Variants in NRXN2 observed in about 807,000 individuals in gnomAD.
The protein encoded by NRXN2 is neurexin 2, also known as neurexin-2-beta.
A neutral mutation model predicts 128.8 loss-of-function variants in NRXN2; 29 were observed. The ratio of observed to expected loss-of-function variants is 0.23; its 90% CI spans 0.17 to 0.31. NRXN2 has a LOEUF of 0.31. Among genes scored for constraint, NRXN2 ranks in the 10% least tolerant of loss-of-function variants. The pLI is 1.00. For synonymous variants in NRXN2, 1,098 were observed against 1,075.2 expected (o/e 1.02, Z -0.41); for missense variants, 1,881 against 2,452.6 (o/e 0.77, Z 4.92).
chr11:64,626,644 G>A (rs1261149649), intron 19 of NRXN2, 92 bp from the exon 20 acceptor site: 10 of 916,198 alleles, frequency 1.1e-5, no homozygotes, highest in Non-Finnish European at 1.6e-5. Context: ...GAGACTCAGA[G>A]TAAGCAGCAA....
chr11:64,620,553 T>C (rs1591535705), intron 21 of NRXN2, among the ~76,000 whole-genome samples, 181 bp from the exon 22 acceptor site: 1 of 151,974 alleles, frequency 6.6e-6, no homozygotes, highest in South Asian at 2.1e-4. Flanking sequence ...TTTCCTGCTA[T>C]GCACAGGGAA....
Position 64,607,047 on chromosome 11 carries a change from T to TC in NRXN2, c.*148dup. On this transcript the variant is annotated 3_prime_UTR_variant, in exon 23 of 23. Coordinates refer to ENST00000265459, the MANE Select transcript of NRXN2 (RefSeq NM_015080.4). ...AGGAAGGGGGCGAGCACGGGGTTTT[T>TC]CCTTTTCTTTTTTTGCGTTTCCTCT... 1 of 850,616 alleles carries TC rather than the reference T, an allele frequency of 1.2e-6. No individual in the cohort carries two copies. The allele number at this position is 850,616 out of a possible 1,614,324, so 52.7% of individuals were successfully genotyped here. A position where few individuals can be genotyped will look rare whatever the true frequency, so the allele number is the denominator to read the frequency against.
chr11:64,712,466 C>T lies in NRXN2; in HGVS notation c.730+504G>A, dbSNP rs1476945677. Among the ~76,000 whole-genome samples, 5 of 151,668 alleles carry T rather than the reference C, an allele frequency of 3.3e-5. No individual in the cohort carries two copies. In the East Asian group the frequency reaches 9.7e-4, roughly 30 times the overall value. On this transcript the variant is annotated intron_variant, in intron 2 of 22. Coordinates refer to ENST00000265459, the MANE Select transcript of NRXN2 (RefSeq NM_015080.4). ...CCCCCTGTCTCATAAGCCCCACCCA[C>T]ACTGGCCTTTCCACGCCAGCCCCAC...
At position 64,648,235 on chromosome 11, in the gene NRXN2, G is replaced by A; in HGVS notation, c.3387C>T (p.Gly1129=). 6.2e-7 allele frequency: 1 copy of A among 1,614,208 alleles called. No individual in the cohort carries two copies. The highest frequency in any genetic ancestry group is 8.5e-7 in the Non-Finnish European group (1 of 1,180,036). Residue 1129 remains glycine, a synonymous_variant, in exon 17 of 23, where the codon GGC becomes GGT. Coordinates refer to ENST00000265459, the MANE Select transcript of NRXN2 (RefSeq NM_015080.4). This position sits in a 1 kb window ranked among gnomAD's most constrained non-coding sequence, Gnocchi z 4.1. ...GGCACTCACGATCATTGCAGACAGG[G>A]CCTCCATAGGAAGTCATGGTGCAGT... ...TCDCTMTSYG[G]PVCNDPGTTY... is the part of the protein sequence containing the mutation.
intron 6 of NRXN2, among the ~76,000 whole-genome samples, chr11:64,684,474 A>G (rs1222155806): frequency 6.6e-6 from 1 of 152,178 alleles, no homozygotes; most frequent in Admixed American, 6.5e-5. Flanking sequence ...GCCCGGCTGC[A>G]ACAGGTAGTG....
At chr11:64,629,473 C>A (rs1056256393) in intron 19 of NRXN2, among the ~76,000 whole-genome samples, 3 of 152,160 alleles carry the variant, frequency 2.0e-5, no homozygotes, top group African/African-American at 7.2e-5. Flanking sequence ...AGTGCTATTT[C>A]CATATCTTTC....
At chr11:64,690,645 C>T (rs1275699536) in intron 4 of NRXN2, among the ~76,000 whole-genome samples, 169 bp from the exon 5 acceptor site, 4 of 152,018 alleles carry the variant, frequency 2.6e-5, no homozygotes, top group Non-Finnish European at 5.9e-5. Flanking sequence ...AGGAAGGAGC[C>T]GCTTGACAAA....
chr11:64,651,716 C>CTGTGG lies in NRXN2; in HGVS notation c.2537-81_2537-80insCCACA. ...CTTGGGTTCCCAGGAGCCTCCCCTC[C>CTGTGG]ACAGGAGGGCCACCCATGAGTGACA... On this transcript the variant is annotated intron_variant, in intron 13 of 22. Transcript: ENST00000265459. The surrounding 1 kb of genome is among the most constrained non-coding windows in gnomAD (Gnocchi z 5.9). 5 of 1,487,694 alleles carry CTGTGG rather than the reference C, an allele frequency of 3.4e-6. No homozygotes were observed. Among genetic ancestry groups the CTGTGG allele is most frequent in the Non-Finnish European group, 4.6e-6 (5 of 1,079,430 alleles). The allele number at this position is 1,487,694 out of a possible 1,614,324, so 92.2% of individuals were successfully genotyped here.
rs78649328 is a variant in NRXN2, at chr11:64,705,296, G to A, written c.731-7504C>T. ...CAACAGGCTCTTGAGTCAGCTCAGGGCTCAGATCCCAGCTCTTACATCTCT... is the reference window on the plus strand; with the variant it reads ...CAACAGGCTCTTGAGTCAGCTCAGGACTCAGATCCCAGCTCTTACATCTCT... On this transcript the variant is annotated intron_variant, in intron 2 of 22. Coordinates refer to ENST00000265459, the MANE Select transcript of NRXN2 (RefSeq NM_015080.4). Among the ~76,000 whole-genome samples, 62 of 152,270 alleles carry A rather than the reference G, an allele frequency of 4.1e-4. No individual in the cohort carries two copies. In the East Asian group the frequency reaches 6.7e-3, roughly 17 times the overall value.
intron 17 of NRXN2, chr11:64,643,163 C>T: frequency 1.0e-6 from 1 of 964,694 alleles, no homozygotes. Context: ...AGCGCGGGGG[C>T]CAAGCAGGGA....
At position 64,635,358 on chromosome 11, in the gene NRXN2, G is replaced by A. The variant is rs375743651; in HGVS notation, c.3498C>T (p.Ala1166=). 2.7e-5 allele frequency: 44 copies of A among 1,613,510 alleles called. No homozygotes were observed. Among genetic ancestry groups the A allele is most frequent in the East Asian group, 2.0e-4 (9 of 44,894 alleles). ...DRPSTRMDRL[A]VGFSTHQRSA... ...TCCGCTGGTGGGTGCTGAAGCCCAC[G>A]GCCAGGCGATCCATCCTCGTGCTGG... is the stretch of plus-strand genomic sequence containing the variant. The change falls in exon 18 of 23, where the codon GCC becomes GCT. Residue 1166 remains alanine (A), a synonymous_variant. Transcript: ENST00000265459. This position sits in a 1 kb window ranked among gnomAD's most constrained non-coding sequence, Gnocchi z 4.8.
chr11:64,623,223 G>C lies in NRXN2; in HGVS notation c.3848-145C>G, dbSNP rs980342102. ...GGGAGGAGGGGACGGGGAGAAATGA[G>C]GAAGGGGCAGAAAGCCAAAGGGAAA... On this transcript the variant is annotated intron_variant, in intron 20 of 22. Transcript: ENST00000265459. This position sits in a 1 kb window ranked among gnomAD's most constrained non-coding sequence, Gnocchi z 4.9. The C allele has an allele frequency of 7.5e-7, 1 of 1,334,338 alleles. No individual in the cohort carries two copies. Among genetic ancestry groups the C allele is most frequent in the Non-Finnish European group, 1.0e-6 (1 of 1,002,084 alleles). 82.7% of individuals were successfully genotyped at this position (1,334,338 alleles called of 1,614,324 possible).
At chr11:64,636,847 G>T (rs967991312) in intron 17 of NRXN2, among the ~76,000 whole-genome samples, 5 of 152,064 alleles carry the variant, frequency 3.3e-5, no homozygotes, top group Non-Finnish European at 7.4e-5. Context: ...GTACCTCGGG[G>T]TCTCTCGCCT....
At chr11:64,673,543 G>A (rs2050897022) in intron 7 of NRXN2, among the ~76,000 whole-genome samples, 1 of 152,220 alleles carries the variant, frequency 6.6e-6, no homozygotes, top group South Asian at 2.1e-4. Context: ...GAAGGTCTAT[G>A]AGGCCACCAA....
Position 64,715,934 on chromosome 11 carries a change from C to CA in NRXN2, c.-244-1992dup, listed in dbSNP as rs2057291354. On this transcript the variant is annotated intron_variant, in intron 1 of 22. Transcript: ENST00000265459. Reference sequence around the variant, plus strand: ...AGCCTGATTGACGCCCTCACCCCCCCACACACAAGCATCCCCAGCCCAGGG... The same window carrying CA: ...AGCCTGATTGACGCCCTCACCCCCCCAACACACAAGCATCCCCAGCCCAGGG... Among the ~76,000 whole-genome samples the CA allele has an allele frequency of 2.6e-5, 4 of 152,316 alleles. No individual in the cohort carries two copies. The East Asian group carries it at 7.7e-4, about 29-fold the overall frequency.
Position 64,651,125 on chromosome 11 carries a change from C to A in NRXN2, c.2918+130G>T. 1 of 1,282,376 alleles carries A rather than the reference C, an allele frequency of 7.8e-7. No individual in the cohort carries two copies. The highest frequency in any genetic ancestry group is 1.1e-6 in the Non-Finnish European group (1 of 898,930). 79.4% of individuals were successfully genotyped at this position (1,282,376 alleles called of 1,614,324 possible). A position where few individuals can be genotyped will look rare whatever the true frequency, so the allele number is the denominator to read the frequency against. On this transcript the variant is annotated intron_variant, in intron 14 of 22. Transcript: ENST00000265459. The surrounding 1 kb of genome is among the most constrained non-coding windows in gnomAD (Gnocchi z 5.9). ...AAGAGGGAGCCTCTCGACTTACGGT[C>A]GGGGACCTGAATCTTGACTTGTGAT...
chr11:64,704,319 G>T (rs1033115289), intron 2 of NRXN2, among the ~76,000 whole-genome samples: 1 of 152,014 alleles, frequency 6.6e-6, no homozygotes, highest in East Asian at 1.9e-4. Flanking sequence ...AAAGGGAAAA[G>T]AAAAGACTCT....
intron 6 of NRXN2, among the ~76,000 whole-genome samples, chr11:64,681,115 G>GA (rs2052198013): frequency 1.5e-5 from 2 of 130,776 alleles, no homozygotes; most frequent in Non-Finnish European, 3.3e-5. Context: ...AAAAAAAAAA[G>GA]TAAAAAAAAA....
intron 22 of NRXN2, among the ~76,000 whole-genome samples, chr11:64,617,260 C>A (rs756508644): frequency 6.6e-6 from 1 of 151,962 alleles, no homozygotes; most frequent in Non-Finnish European, 1.5e-5. Context: ...GTGTGCATGC[C>A]TCTGGTCATA....
Sources: allele counts gnomAD v4.1 joint callset (sites outside exome capture counted in the v4.1 genomes callset), GRCh38; gene constraint gnomAD v4.1.1; non-coding constraint Gnocchi (gnomAD v3.1); transcripts MANE v1.5; gene names NCBI Gene and HGNC (gene_info 2026-07-23, HGNC 2026-07-21).